The following METTL14 variants were observed in gnomAD, a reference collection of about 807,000 sequenced individuals.
The protein encoded by METTL14 is methyltransferase 14, N6-adenosine-methyltransferase non-catalytic subunit, also known as N(6)-adenosine-methyltransferase non-catalytic subunit METTL14.
Under a neutral mutation model 62.4 loss-of-function variants are expected in METTL14, and 32 were observed. That is an observed-to-expected ratio of 0.51 (90% confidence interval 0.39 to 0.69). The LOEUF (loss-of-function observed/expected upper bound fraction) is 0.69. METTL14 is among the 30% of genes least tolerant of loss of function. METTL14 has a pLI of 0.00. For synonymous variants in METTL14, 150 were observed against 180.0 expected (o/e 0.83, Z 1.34); for missense variants, 340 against 551.9 (o/e 0.62, Z 3.85).
chr4:118,692,094 C>T, intron 5 of METTL14, 26 bp downstream of exon 5: 1 of 1,293,372 alleles, frequency 7.7e-7, no homozygotes, highest in Non-Finnish European at 1.1e-6. Flanking sequence ...TTGGACTACG[C>T]TATTGCTGAC....
At position 118,685,577 on chromosome 4, in the gene METTL14, CGGCGACA is replaced by C; in HGVS notation, c.45_51del (p.Arg16SerfsTer18). The C allele has an allele frequency of 5.6e-6, 9 of 1,614,048 alleles. No homozygotes were observed. Among genetic ancestry groups the C allele is most frequent in the Non-Finnish European group, 7.6e-6 (9 of 1,179,986 alleles). On this transcript the variant is annotated frameshift_variant, in exon 1 of 11. Transcript: ENST00000388822. LOFTEE classifies it high-confidence loss of function. ...GGAGATCCGGGAGCGGCAGAAGTTA[CGGCGACA>C]GCTCCTCGCGCAGCAGGTCCGCGGC...
chr4:118,702,769 A>AAAAAT (rs572499939), intron 8 of METTL14, among the ~76,000 whole-genome samples: 1 of 151,990 alleles, frequency 6.6e-6, no homozygotes, highest in African/African-American at 2.4e-5. Flanking sequence ...CTCCATCTCA[A>AAAAAT]AAAATAAAAT....
chr4:118,710,298 G>C lies in METTL14; in HGVS notation c.1367G>C (p.Arg456Pro). The change falls in exon 11 of 11, where the codon CGA becomes CCA. Residue 456 changes from arginine (R) to proline (P), a missense_variant. Physicochemically the swap from Arg to Pro is moderately radical, Grantham distance 103. Coordinates refer to ENST00000388822, the MANE Select transcript of METTL14 (RefSeq NM_020961.4). ...GCACACAGAGGTGGCTTTCCACCTC[G>C]ATAATTGTTGAAGACATTGAACCTA... ...GGAHRGGFPP[R>P] The C allele has an allele frequency of 6.2e-7, 1 of 1,609,722 alleles. No homozygotes were observed. The highest frequency in any genetic ancestry group is 2.2e-5 in the East Asian group (1 of 44,850).
intron 4 of METTL14, 39 bp from the exon 5 acceptor site, chr4:118,691,942 C>T: frequency 7.7e-7 from 1 of 1,304,630 alleles, no homozygotes; most frequent in Middle Eastern, 1.8e-4. Context: ...TCTGCCATTA[C>T]AATGCATGTT....
intron 3 of METTL14, among the ~76,000 whole-genome samples, chr4:118,690,859 A>G (rs557455217): frequency 2.8e-4 from 43 of 152,288 alleles, no homozygotes; most frequent in African/African-American, 9.6e-4. Flanking sequence ...CATTGTAGAA[A>G]TATTTCTGAA....
intron 10 of METTL14, among the ~76,000 whole-genome samples, chr4:118,707,005 A>G (rs1724774864): frequency 6.6e-6 from 1 of 151,940 alleles, no homozygotes; most frequent in South Asian, 2.1e-4. Context: ...GTTTTTTGCA[A>G]ATATTTTCTC....
chr4:118,690,530 A>G (rs2110465288), intron 3 of METTL14, among the ~76,000 whole-genome samples: 1 of 152,072 alleles, frequency 6.6e-6, no homozygotes, highest in Non-Finnish European at 1.5e-5. Flanking sequence ...AATACAAAAA[A>G]TTAGCTGGGC....
At chr4:118,688,476 T>C (rs1724146120) in intron 2 of METTL14, among the ~76,000 whole-genome samples, 1 of 152,006 alleles carries the variant, frequency 6.6e-6, no homozygotes, top group East Asian at 1.9e-4. Context: ...GATTACTGTT[T>C]TAATAAATAA....
In METTL14 at chr4:118,705,743, A is replaced by G. The variant is rs894637348; in HGVS notation, c.988A>G (p.Ile330Val). ...TGGCAATATAGAAAAACCTGTAGAAATTTTTCATATAATTGAGCATTTTTG... is the reference window on the plus strand; with the variant it reads ...TGGCAATATAGAAAAACCTGTAGAAGTTTTTCATATAATTGAGCATTTTTG... ...EIGNIEKPVE[I>V]FHIIEHFCLG... Residue 330 changes from isoleucine to valine, a missense_variant, in exon 10 of 11, where the codon ATT becomes GTT. By Grantham distance (29) the Ile-to-Val change is conservative (BLOSUM62 3). Around this residue, in one of 7 missense-constraint regions of METTL14, gnomAD observed 62 missense variants for 82.3 expected, o/e 0.75. Coordinates refer to ENST00000388822, the MANE Select transcript of METTL14 (RefSeq NM_020961.4). 6.2e-7 allele frequency: 1 copy of G among 1,614,004 alleles called. No individual in the cohort carries two copies. Among genetic ancestry groups the G allele is most frequent in the East Asian group, 2.2e-5 (1 of 44,878 alleles).
rs1248093616 is a variant in METTL14 at position 118,685,416 on chromosome 4, A to G, written c.-119A>G. 5 of 1,012,688 alleles carry G rather than the reference A, an allele frequency of 4.9e-6. No individual in the cohort carries two copies. Among genetic ancestry groups the G allele is most frequent in the East Asian group, 5.0e-5 (2 of 39,980 alleles). The allele number at this position is 1,012,688 out of a possible 1,614,324, so 62.7% of individuals were successfully genotyped here. ...GAAGTCTCTACTGAGGAAAGCTATG[A>G]GGATACTCTGTTCGTAAGCTCCCGG... is the stretch of plus-strand genomic sequence containing the variant. On this transcript the variant is annotated 5_prime_UTR_variant, in exon 1 of 11. Coordinates refer to ENST00000388822, the MANE Select transcript of METTL14 (RefSeq NM_020961.4).
chr4:118,709,984 T>G lies in METTL14; in HGVS notation c.1067-14T>G, dbSNP rs1266835003. The G allele has an allele frequency of 1.9e-6, 3 of 1,570,784 alleles. No individual in the cohort carries two copies. The Admixed American group carries it at 6.0e-5, about 31-fold the overall frequency. ...TGCAAATAAAAAGTATAATCTTTTT[T>G]TCCTCCATTTCAGGCTGGCTCACAG... On this transcript the variant is annotated splice_polypyrimidine_tract_variant and intron_variant, in intron 10 of 10. Transcript: ENST00000388822.
chr4:118,710,653 A>G lies in METTL14; in HGVS notation c.*351A>G, dbSNP rs1724893223. Reference sequence around the variant, plus strand: ...GGAAAAAGATCCAGTCTGTGGTATCATGCTAGTGCTGACAGGGCCTTGATA... The same window carrying G: ...GGAAAAAGATCCAGTCTGTGGTATCGTGCTAGTGCTGACAGGGCCTTGATA... On this transcript the variant is annotated 3_prime_UTR_variant, in exon 11 of 11. Coordinates refer to ENST00000388822, the MANE Select transcript of METTL14 (RefSeq NM_020961.4). 5.7e-6 allele frequency: 1 copy of G among 176,676 alleles called. No individual in the cohort carries two copies. Among genetic ancestry groups the G allele is most frequent in the Non-Finnish European group, 1.2e-5 (1 of 84,278 alleles). 10.9% of individuals were successfully genotyped at this position (176,676 alleles called of 1,614,324 possible). A position where few individuals can be genotyped will look rare whatever the true frequency, so the allele number is the denominator to read the frequency against.
At chr4:118,689,494 A>G in intron 3 of METTL14, 37 bp downstream of exon 3, 1 of 1,184,828 alleles carries the variant, frequency 8.4e-7, no homozygotes, top group South Asian at 1.4e-5. Flanking sequence ...GGTCAAAGAA[A>G]ACATAAATCC....
intron 3 of METTL14, among the ~76,000 whole-genome samples, chr4:118,691,257 A>C (rs867261889): frequency 6.6e-6 from 1 of 152,170 alleles, no homozygotes; most frequent in East Asian, 1.9e-4. Flanking sequence ...AGACTCTAAC[A>C]CTTATAGTAT....
intron 7 of METTL14, among the ~76,000 whole-genome samples, chr4:118,699,991 T>A (rs1289924809): frequency 3.9e-5 from 6 of 152,100 alleles, no homozygotes; most frequent in Non-Finnish European, 7.4e-5. Flanking sequence ...AGCATTAAAG[T>A]ACCAACACTT....
chr4:118,712,223 C>A lies in METTL14; in HGVS notation c.*1921C>A, dbSNP rs1560887471. ...GGTTGAGGTGTTGTTTTTGCAATGA[C>A]TGTGTATTCATTGAGGAAAGGTTTC... is the stretch of plus-strand genomic sequence containing the variant. On this transcript the variant is annotated 3_prime_UTR_variant, in exon 11 of 11. Transcript: ENST00000388822. 1 of 152,178 alleles carries A rather than the reference C, an allele frequency of 6.6e-6. No homozygotes were observed. The highest frequency in any genetic ancestry group is 1.5e-5 in the Non-Finnish European group (1 of 68,034). The allele number at this position is 152,178 out of a possible 1,614,324, so 9.4% of individuals were successfully genotyped here.
chr4:118,697,472 A>G (rs1579070883), intron 7 of METTL14, 149 bp downstream of exon 7: 1 of 668,024 alleles, frequency 1.5e-6, no homozygotes. Flanking sequence ...TGAAGGTCCA[A>G]GGTACATTGA....
At chr4:118,690,989 G>A (rs1724229032) in intron 3 of METTL14, among the ~76,000 whole-genome samples, 1 of 152,030 alleles carries the variant, frequency 6.6e-6, no homozygotes, top group Non-Finnish European at 1.5e-5. Flanking sequence ...ATATAATAGA[G>A]ATAAGAATGT....
intron 1 of METTL14, chr4:118,686,534 A>T (rs951900976): frequency 4.5e-6 from 2 of 448,418 alleles, no homozygotes; most frequent in Admixed American, 4.9e-5. Context: ...TATCCTCTTT[A>T]TGGTCTGATG....
Sources: gnomAD v4.1 joint callset for allele counts (sites outside exome capture counted in the v4.1 genomes callset) on GRCh38, gnomAD v4.1.1 for gene constraint, gnomAD v4.1.1 regional missense constraint, MANE v1.5 for transcripts, NCBI Gene and HGNC (gene_info 2026-07-23, HGNC 2026-07-21) for gene names.